The following PBX1 variants were observed in gnomAD, a reference collection of about 807,000 sequenced individuals.
The protein encoded by PBX1 is pre-B-cell leukemia transcription factor 1.
In PBX1, 6 loss-of-function variants were observed where a neutral mutation model predicts 53.4. The ratio of observed to expected loss-of-function variants is 0.11; its 90% confidence interval spans 0.06 to 0.22. The LOEUF (loss-of-function observed/expected upper bound fraction) is 0.22. Ranked by LOEUF, PBX1 falls within the 10% of genes least tolerant of loss-of-function variation. PBX1 has a pLI of 1.00. For missense variants in PBX1, 251 were observed against 551.4 expected (o/e 0.46, Z 5.46); for synonymous variants, 204 against 212.3 (o/e 0.96, Z 0.34).
At chr1:164,601,235 CAAAAAAAAAAA>C (rs746798555) in intron 2 of PBX1, among the ~76,000 whole-genome samples, 3 of 33,998 alleles carry the variant, frequency 8.8e-5, no homozygotes, top group East Asian at 1.6e-3. Flanking sequence ...GATTCTGTCT[CAAAAAAAAAAA>C]AAAAAAAAAA....
At chr1:164,833,943 T>A (rs968771533) in intron 8 of PBX1, among the ~76,000 whole-genome samples, 1 of 151,558 alleles carries the variant, frequency 6.6e-6, no homozygotes, top group African/African-American at 2.4e-5. Flanking sequence ...TACCTCCAAC[T>A]TATTTATATT....
At chr1:164,736,299 T>C (rs2102152259) in intron 2 of PBX1, among the ~76,000 whole-genome samples, 1 of 152,276 alleles carries the variant, frequency 6.6e-6, no homozygotes, top group South Asian at 2.1e-4. Context: ...TGTGTGAGTG[T>C]GTCCGCTGGC....
intron 2 of PBX1, among the ~76,000 whole-genome samples, chr1:164,635,701 G>A (rs1203205248): frequency 6.6e-6 from 1 of 152,154 alleles, no homozygotes; most frequent in Admixed American, 6.6e-5. Context: ...TACATTAGAG[G>A]CATGATAGAT....
intron 6 of PBX1, chr1:164,819,786 A>T (rs933573062): frequency 2.0e-5 from 6 of 302,118 alleles, no homozygotes; most frequent in African/African-American, 1.3e-4. Flanking sequence ...AAATAGACTA[A>T]GTTGGGAAGA....
At chr1:164,880,252 C>G (rs1342052201) in intron 2 of PBX1, among the ~76,000 whole-genome samples, 2 of 152,154 alleles carry the variant, frequency 1.3e-5, no homozygotes, top group African/African-American at 2.4e-5. Context: ...GCTAGGGACA[C>G]AGAGAGGATG....
chr1:164,852,028 T>C (rs1671864639), downstream of PBX1, among the ~76,000 whole-genome samples: 4 of 152,090 alleles, frequency 2.6e-5, 1 homozygote, highest in South Asian at 6.2e-4. Flanking sequence ...GAAGGATCAT[T>C]TGTGGGTAAA....
chr1:164,588,045 C>A (rs1655075226), intron 2 of PBX1, among the ~76,000 whole-genome samples: 1 of 152,262 alleles, frequency 6.6e-6, no homozygotes, highest in African/African-American at 2.4e-5. Context: ...GAGTCTGGGG[C>A]AAAGACCAAA....
rs572040721 is a variant in PBX1 at position 164,812,841 on chromosome 1, T to C, written c.997+692T>C. The stretch of plus-strand genomic sequence containing the variant: ...TGCCTTGTGTCATCAGTTCAGAATT[T>C]CTACATGTGAAAAAATGTAGTTAAT... On this transcript the variant is annotated intron_variant, in intron 6 of 8. Coordinates refer to ENST00000420696, the MANE Select transcript of PBX1 (RefSeq NM_002585.4). 13 of 145,120 alleles carry C rather than the reference T, an allele frequency of 9.0e-5. No homozygotes were observed. The South Asian group carries it at 1.8e-3, about 20-fold the overall frequency. The allele number at this position is 145,120 out of a possible 1,614,324, so 9.0% of individuals were successfully genotyped here. A position where few individuals can be genotyped will look rare whatever the true frequency, so the allele number is the denominator to read the frequency against.
intron 2 of PBX1, among the ~76,000 whole-genome samples, chr1:164,866,853 G>T (rs954726213): frequency 8.5e-5 from 13 of 152,102 alleles, no homozygotes; most frequent in African/African-American, 2.4e-4. Context: ...GACCTTGAAA[G>T]TCCCCTGGCC....
At chr1:164,565,120 G>C (rs1232890015) in intron 2 of PBX1, among the ~76,000 whole-genome samples, 1 of 152,050 alleles carries the variant, frequency 6.6e-6, no homozygotes, top group Non-Finnish European at 1.5e-5. Context: ...ACCTACTGAG[G>C]CAGTAGATTA....
intron 2 of PBX1, among the ~76,000 whole-genome samples, chr1:164,688,001 TG>T (rs1172112885): frequency 1.3e-5 from 2 of 152,210 alleles, no homozygotes; most frequent in Non-Finnish European, 2.9e-5. Context: ...ATACCACACA[TG>T]CCCTAGGCTC....
intron 2 of PBX1, among the ~76,000 whole-genome samples, chr1:164,668,317 C>A (rs1198552394): frequency 3.3e-5 from 5 of 152,116 alleles, no homozygotes; most frequent in Non-Finnish European, 7.3e-5. Flanking sequence ...CCACCAGACC[C>A]GATTGTGTCT....
At chr1:164,698,566 C>T (rs570033190) in intron 2 of PBX1, among the ~76,000 whole-genome samples, 1 of 152,138 alleles carries the variant, frequency 6.6e-6, no homozygotes, top group East Asian at 1.9e-4. Context: ...TGCCAGCCTC[C>T]CGCATCTGAA....
At chr1:164,764,640 A>AT (rs1666976155) in intron 2 of PBX1, among the ~76,000 whole-genome samples, 1 of 151,800 alleles carries the variant, frequency 6.6e-6, no homozygotes, top group South Asian at 2.1e-4. Flanking sequence ...TTTCAGCTGC[A>AT]TTTTTTCTTT....
intron 2 of PBX1, among the ~76,000 whole-genome samples, chr1:164,776,986 T>TGGGGGGG (rs1272336022): frequency 1.6e-4 from 2 of 12,132 alleles, no homozygotes; most frequent in African/African-American, 2.9e-4. Flanking sequence ...AGAGGAGGTG[T>TGGGGGGG]GGGGGGGCGG....
At chr1:164,634,948 G>A (rs1040445245) in intron 2 of PBX1, among the ~76,000 whole-genome samples, 3 of 151,968 alleles carry the variant, frequency 2.0e-5, no homozygotes, top group African/African-American at 7.3e-5. Flanking sequence ...GGTGACAAGG[G>A]GCCATGTTGC....
chr1:164,698,668 G>C lies in PBX1; in HGVS notation c.266-93826G>C, dbSNP rs181051693. Reference sequence around the variant, plus strand: ...GTTTGTGCAGTTGACTCATCAGAGCGCCCAAAAGCCACCACTCAAGACCTC... The same window carrying C: ...GTTTGTGCAGTTGACTCATCAGAGCCCCCAAAAGCCACCACTCAAGACCTC... On this transcript the variant is annotated intron_variant, in intron 2 of 8. Coordinates refer to ENST00000420696, the MANE Select transcript of PBX1 (RefSeq NM_002585.4). Among the ~76,000 whole-genome samples the C allele has an allele frequency of 2.6e-5, 4 of 152,184 alleles. No homozygotes were observed. In the East Asian group the frequency reaches 7.7e-4, roughly 29 times the overall value.
chr1:164,571,084 A>G (rs1653816188), intron 2 of PBX1, among the ~76,000 whole-genome samples: 1 of 152,206 alleles, frequency 6.6e-6, no homozygotes, highest in African/African-American at 2.4e-5. Context: ...CCCTTCTAGT[A>G]CATTCCTTAT....
intron 2 of PBX1, among the ~76,000 whole-genome samples, chr1:164,689,376 C>A (rs895601881): frequency 4.0e-5 from 6 of 149,202 alleles, no homozygotes; most frequent in African/African-American, 1.5e-4. Flanking sequence ...AGCTGTGTAT[C>A]TAGGACATTA....
Sources: allele counts gnomAD v4.1 joint callset (sites outside exome capture counted in the v4.1 genomes callset), GRCh38; gene constraint gnomAD v4.1.1; transcripts MANE v1.5; gene names NCBI Gene and HGNC (gene_info 2026-07-23, HGNC 2026-07-21).